CHRM3: variants seen among roughly 807,000 people sequenced by gnomAD.
CHRM3 encodes the protein muscarinic acetylcholine receptor M3.
A neutral mutation model predicts 41.8 loss-of-function variants in CHRM3; 11 were observed. The observed-to-expected ratio is 0.26, with a 90% CI of 0.17 to 0.44. The LOEUF is 0.44. Ranked by LOEUF, CHRM3 falls within the 20% of genes least tolerant of loss-of-function variation. CHRM3 has a pLI of 1.00. For synonymous variants in CHRM3, 297 were observed against 301.4 expected, an observed-to-expected ratio of 0.99 and a Z score of 0.15; for missense variants, 571 against 745.4, an observed-to-expected ratio of 0.77 and a Z score of 2.72.
At chr1:239,664,318 C>A (rs1673546106) in intron 4 of CHRM3, among the ~76,000 whole-genome samples, 1 of 152,146 alleles carries the variant, frequency 6.6e-6, no homozygotes, top group Non-Finnish European at 1.5e-5. Flanking sequence ...ATCACCAATT[C>A]AATGATCCAA....
intron 3 of CHRM3, among the ~76,000 whole-genome samples, chr1:239,595,592 C>T (rs1351320930): frequency 6.6e-6 from 1 of 152,112 alleles, no homozygotes; most frequent in Admixed American, 6.5e-5. Context: ...TTTCTAACTT[C>T]TCTTTCAATT....
At chr1:239,459,539 T>A (rs758483315) in intron 1 of CHRM3, among the ~76,000 whole-genome samples, 4 of 152,198 alleles carry the variant, frequency 2.6e-5, no homozygotes, top group Non-Finnish European at 5.9e-5. Context: ...GTTATAAGTA[T>A]AAAAGTGAGT....
rs965807828 is a variant in CHRM3, at chr1:239,430,042, A to G, written c.-521+42815A>G. Among the ~76,000 whole-genome samples, 8 of 145,924 alleles carry G rather than the reference A, an allele frequency of 5.5e-5. No individual in the cohort carries two copies. In the East Asian group the frequency reaches 1.4e-3, roughly 26 times the overall value. ...GAGTGCAGTGGCACAATCTCAGCTCACTGCAACCTCCACCTCCTGGGTTCA... is the reference window on the plus strand; with the variant it reads ...GAGTGCAGTGGCACAATCTCAGCTCGCTGCAACCTCCACCTCCTGGGTTCA... On this transcript the variant is annotated intron_variant, in intron 1 of 6. Transcript: ENST00000676153.
intron 3 of CHRM3, among the ~76,000 whole-genome samples, chr1:239,572,503 A>T (rs1314184570): frequency 6.6e-6 from 1 of 152,194 alleles, no homozygotes; most frequent in African/African-American, 2.4e-5. Context: ...CATCATGATG[A>T]TATACATCTT....
intron 2 of CHRM3, among the ~76,000 whole-genome samples, chr1:239,497,367 C>T (rs1228570618): frequency 6.6e-6 from 1 of 152,138 alleles, no homozygotes; most frequent in East Asian, 1.9e-4. Flanking sequence ...CAGCACAGCA[C>T]CAGAGATTGG....
In CHRM3 at chr1:239,766,462, A is replaced by G. The variant is rs925948644; in HGVS notation, c.-146-60790A>G. Among the ~76,000 whole-genome samples the G allele has an allele frequency of 2.0e-5, 3 of 152,230 alleles. No homozygotes were observed. The South Asian group carries it at 6.2e-4, about 32-fold the overall frequency. ...CCTGCATGATGAAATAATCTATACA[A>G]CAAACCCCCATGACACAAGTTAACC... On this transcript the variant is annotated intron_variant, in intron 5 of 6. Coordinates refer to ENST00000676153, the MANE Select transcript of CHRM3 (RefSeq NM_001375978.1).
At chr1:239,566,441 A>G (rs745591839) in intron 3 of CHRM3, among the ~76,000 whole-genome samples, 3 of 152,200 alleles carry the variant, frequency 2.0e-5, no homozygotes, top group African/African-American at 2.4e-5. Flanking sequence ...AGTGGCAGCA[A>G]TTATACCTGC....
chr1:239,504,666 T>C (rs1049646324), intron 2 of CHRM3, among the ~76,000 whole-genome samples: 1 of 152,164 alleles, frequency 6.6e-6, no homozygotes, highest in Non-Finnish European at 1.5e-5. Context: ...CCAACCCAAA[T>C]GCCCATCAAT....
intron 3 of CHRM3, among the ~76,000 whole-genome samples, chr1:239,571,815 G>T (rs1205892197): frequency 6.6e-6 from 1 of 152,116 alleles, no homozygotes; most frequent in Admixed American, 6.5e-5. Flanking sequence ...AGTAATTTTT[G>T]TGCTAACTCA....
At chr1:239,594,340 G>A (rs545601076) in intron 3 of CHRM3, among the ~76,000 whole-genome samples, 1 of 152,198 alleles carries the variant, frequency 6.6e-6, no homozygotes, top group Non-Finnish European at 1.5e-5. Context: ...TAAATGTGGT[G>A]TGTATCACAA....
chr1:239,890,434 G>A (rs924828914), intron 6 of CHRM3, among the ~76,000 whole-genome samples: 1 of 151,992 alleles, frequency 6.6e-6, no homozygotes, highest in Non-Finnish European at 1.5e-5. Flanking sequence ...TACTTAACTA[G>A]TCAAATGTTC....
chr1:239,425,645 C>T (rs948573316), intron 1 of CHRM3, among the ~76,000 whole-genome samples: 2 of 152,242 alleles, frequency 1.3e-5, no homozygotes, highest in Admixed American at 6.5e-5. Context: ...ACGTGGTAAA[C>T]GATTGTTTCA....
rs1340964323 is a variant in CHRM3 at position 239,748,464 on chromosome 1, G to C, written c.-147+70176G>C. The stretch of plus-strand genomic sequence containing the variant: ...AAAGGATAAATCCTAATACCCATCT[G>C]TCCTTGACTCTTTCATTCCATAGAA... On this transcript the variant is annotated intron_variant, in intron 5 of 6. Transcript: ENST00000676153. The surrounding 1 kb of genome is among the most constrained non-coding windows in gnomAD (Gnocchi z 4.3). 6.6e-6 allele frequency among the ~76,000 whole-genome samples: 1 copy of C among 152,114 alleles called. No homozygotes were observed. The highest frequency in any genetic ancestry group is 1.5e-5 in the Non-Finnish European group (1 of 68,028).
intron 4 of CHRM3, among the ~76,000 whole-genome samples, chr1:239,674,141 C>A (rs1657718273): frequency 6.6e-6 from 1 of 152,106 alleles, no homozygotes; most frequent in Non-Finnish European, 1.5e-5. Context: ...TTACGGTGAT[C>A]ATTTTCCTAG....
intron 1 of CHRM3, among the ~76,000 whole-genome samples, chr1:239,392,314 A>T (rs1273889829): frequency 6.6e-6 from 1 of 152,174 alleles, no homozygotes; most frequent in Non-Finnish European, 1.5e-5. Flanking sequence ...ATCAAATCTC[A>T]GTTCTCCACA....
At chr1:239,688,956 A>G (rs1659447325) in intron 5 of CHRM3, among the ~76,000 whole-genome samples, 1 of 148,600 alleles carries the variant, frequency 6.7e-6, no homozygotes, top group African/African-American at 2.5e-5. Flanking sequence ...TTGCCCTGCA[A>G]TCTTATTTAT....
At chr1:239,875,253 G>T (rs1677022366) in intron 6 of CHRM3, among the ~76,000 whole-genome samples, 1 of 152,186 alleles carries the variant, frequency 6.6e-6, no homozygotes, top group Admixed American at 6.5e-5. Context: ...AGAGAGCTAA[G>T]ATTCTATGGC....
rs546796570 is a variant in CHRM3 at position 239,387,286 on chromosome 1, C to T, written c.-521+59C>T. 3.3e-5 allele frequency: 5 copies of T among 151,882 alleles called. No homozygotes were observed. The highest frequency in any genetic ancestry group is 4.8e-5 in the African/African-American group (2 of 41,326). The allele number at this position is 151,882 out of a possible 1,614,324, so 9.4% of individuals were successfully genotyped here. ...AGAGCGGGTGGCGGTAGCGGCTGAC[C>T]TGGTTTCTTGCCTTATCTCGTTGCG... On this transcript the variant is annotated intron_variant, in intron 1 of 6. Coordinates refer to ENST00000676153, the MANE Select transcript of CHRM3 (RefSeq NM_001375978.1). The surrounding 1 kb of genome is among the most constrained non-coding windows in gnomAD (Gnocchi z 5.1).
At chr1:239,685,632 G>A (rs565668565) in intron 5 of CHRM3, among the ~76,000 whole-genome samples, 28 of 152,104 alleles carry the variant, frequency 1.8e-4, no homozygotes, top group Non-Finnish European at 3.7e-4. Flanking sequence ...AGACCAGCCT[G>A]GCCAACATAG....
Sources: allele counts gnomAD v4.1 joint callset (sites outside exome capture counted in the v4.1 genomes callset), GRCh38; gene constraint gnomAD v4.1.1; non-coding constraint Gnocchi (gnomAD v3.1); transcripts MANE v1.5; gene names NCBI Gene and HGNC (gene_info 2026-07-23, HGNC 2026-07-21).